The following CSMD3 variants were observed in gnomAD, a reference collection of about 807,000 sequenced individuals.
CSMD3 encodes CUB and sushi domain-containing protein 3.
Under a neutral mutation model 435.2 loss-of-function variants are expected in CSMD3, and 177 were observed. That is an observed-to-expected ratio of 0.41 (90% CI 0.36 to 0.46). The LOEUF (loss-of-function observed/expected upper bound fraction) is 0.46, where lower values mean the gene tolerates loss of function less well. Among genes scored for constraint, CSMD3 ranks in the 20% least tolerant of loss-of-function variants. The probability of loss-of-function intolerance (pLI) is 0.34; values close to 1 mark genes in which losing one functional copy is unlikely to be tolerated. For missense variants in CSMD3, 4,265 were observed against 4,504.6 expected, an observed-to-expected ratio of 0.95 and a Z score of 1.52; for synonymous variants, 1,656 against 1,520.5, an observed-to-expected ratio of 1.09 and a Z score of -2.07.
intron 10 of CSMD3, among the ~76,000 whole-genome samples, chr8:112,910,186 A>G (rs532098657): frequency 6.6e-6 from 1 of 151,758 alleles, no homozygotes; most frequent in East Asian, 2.0e-4. Context: ...TTAGGCATGG[A>G]TTTTTCTTTT....
chr8:112,886,345 CTT>C (rs560236944), intron 10 of CSMD3, among the ~76,000 whole-genome samples: 225 of 151,126 alleles, frequency 1.5e-3, no homozygotes, highest in Non-Finnish European at 2.8e-3. Context: ...TTTCTTCTGT[CTT>C]TTTCTTTTTT....
intron 4 of CSMD3, among the ~76,000 whole-genome samples, chr8:113,105,103 G>GA (rs770306835): frequency 7.3e-5 from 11 of 151,610 alleles, no homozygotes; most frequent in African/African-American, 2.4e-4. Context: ...AAGATTTGGA[G>GA]AAAAAAATAT....
intron 24 of CSMD3, among the ~76,000 whole-genome samples, chr8:112,573,141 T>C (rs1829669966): frequency 6.6e-6 from 1 of 152,120 alleles, no homozygotes; most frequent in African/African-American, 2.4e-5. Flanking sequence ...CATTGCATCT[T>C]TGCAGTTCAA....
chr8:112,279,637 C>T (rs913255689), intron 59 of CSMD3, among the ~76,000 whole-genome samples: 3 of 152,022 alleles, frequency 2.0e-5, no homozygotes, highest in Non-Finnish European at 4.4e-5. Flanking sequence ...AACTATTGTT[C>T]CTACTGCCTT....
chr8:113,386,938 C>T (rs922769899), intron 1 of CSMD3, among the ~76,000 whole-genome samples: 5 of 151,638 alleles, frequency 3.3e-5, no homozygotes, highest in Admixed American at 6.6e-5. Context: ...GAGAGCTTCC[C>T]GCAATGGCAA....
chr8:113,376,799 A>G, intron 1 of CSMD3: 1 of 1,613,788 alleles, frequency 6.2e-7, no homozygotes, highest in Non-Finnish European at 8.5e-7. Context: ...TCCACATTCA[A>G]CCGGGTTGTG....
At chr8:113,124,726 A>G (rs550882138) in intron 4 of CSMD3, among the ~76,000 whole-genome samples, 5 of 152,110 alleles carry the variant, frequency 3.3e-5, no homozygotes, top group African/African-American at 1.2e-4. Flanking sequence ...GTGGTAGTTG[A>G]AAAGCTTAAT....
chr8:113,144,828 C>T (rs1352097088), intron 4 of CSMD3, among the ~76,000 whole-genome samples: 1 of 151,416 alleles, frequency 6.6e-6, no homozygotes, highest in African/African-American at 2.4e-5. Context: ...CCAAGTCATA[C>T]AATCCTGGAG....
intron 1 of CSMD3, among the ~76,000 whole-genome samples, chr8:113,317,286 T>C (rs971177702): frequency 8.5e-5 from 13 of 152,204 alleles, no homozygotes; most frequent in African/African-American, 3.1e-4. Flanking sequence ...ATTAGTTTTC[T>C]GCCTGAACAG....
chr8:112,566,164 C>T (rs911768961), intron 24 of CSMD3, among the ~76,000 whole-genome samples: 1 of 151,466 alleles, frequency 6.6e-6, no homozygotes, highest in African/African-American at 2.4e-5. Flanking sequence ...ATCTTGAGTT[C>T]AGAGCTAGTA....
intron 5 of CSMD3, among the ~76,000 whole-genome samples, chr8:113,091,772 C>A (rs1011076845): frequency 6.6e-6 from 1 of 151,592 alleles, no homozygotes; most frequent in African/African-American, 2.4e-5. Flanking sequence ...CTCTTTATTT[C>A]TATTTCATTT....
chr8:112,872,532 G>C (rs1430306875), intron 10 of CSMD3, among the ~76,000 whole-genome samples: 1 of 151,902 alleles, frequency 6.6e-6, no homozygotes, highest in Non-Finnish European at 1.5e-5. Context: ...ATAATGTACA[G>C]ATTTTTCAAG....
At chr8:113,149,222 G>A (rs556258569) in intron 4 of CSMD3, among the ~76,000 whole-genome samples, 4 of 151,782 alleles carry the variant, frequency 2.6e-5, no homozygotes, top group South Asian at 4.2e-4. Context: ...TCTAGGACAC[G>A]GAAAATGCTC....
At chr8:112,826,352 T>C (rs1390103814) in intron 12 of CSMD3, among the ~76,000 whole-genome samples, 1 of 152,156 alleles carries the variant, frequency 6.6e-6, no homozygotes, top group African/African-American at 2.4e-5. Context: ...GCTGAGATGC[T>C]GGCCACCCCT....
chr8:112,909,580 G>A (rs752200998), intron 10 of CSMD3, among the ~76,000 whole-genome samples: 11 of 151,642 alleles, frequency 7.3e-5, no homozygotes, highest in Middle Eastern at 6.8e-3. Context: ...CTTCATAAAG[G>A]CATATTTGGT....
intron 4 of CSMD3, among the ~76,000 whole-genome samples, chr8:113,126,864 C>T (rs1022370684): frequency 1.3e-5 from 2 of 151,966 alleles, no homozygotes; most frequent in Non-Finnish European, 2.9e-5. Context: ...GAAGCTCTCT[C>T]CTACCATCAG....
chr8:113,026,221 C>T (rs1176352046), intron 5 of CSMD3, among the ~76,000 whole-genome samples: 1 of 152,138 alleles, frequency 6.6e-6, no homozygotes, highest in Non-Finnish European at 1.5e-5. Flanking sequence ...TTAACTTTTT[C>T]TCACAAAAAG....
chr8:112,371,099 G>A (rs985674028), intron 38 of CSMD3, among the ~76,000 whole-genome samples: 1 of 152,122 alleles, frequency 6.6e-6, no homozygotes, highest in South Asian at 2.1e-4. Context: ...GCCTCCTACT[G>A]GGGATCTCAC....
chr8:113,411,168 A>G (rs1035274436), intron 1 of CSMD3, among the ~76,000 whole-genome samples: 31 of 152,066 alleles, frequency 2.0e-4, no homozygotes, highest in African/African-American at 7.5e-4. Context: ...ACGTGTAATC[A>G]TTTTTTGTCA....
Sources: allele counts gnomAD v4.1 joint callset (sites outside exome capture counted in the v4.1 genomes callset), GRCh38; gene constraint gnomAD v4.1.1; transcripts MANE v1.5; gene names NCBI Gene and HGNC (gene_info 2026-07-23, HGNC 2026-07-21).